LRRN2: variants seen among roughly 807,000 people sequenced by gnomAD.
LRRN2 encodes leucine-rich repeat neuronal protein 2.
LRRN2 carries 10 observed loss-of-function variants against 35.7 expected under a neutral mutation model. That is an observed-to-expected ratio of 0.28 (90% CI 0.17 to 0.47). The LOEUF (loss-of-function observed/expected upper bound fraction) is 0.47. LRRN2 is among the 20% of genes least tolerant of loss of function. LRRN2 has a pLI of 0.99. For synonymous variants in LRRN2, 391 were observed against 409.6 expected, an observed-to-expected ratio of 0.95 and a Z score of 0.55; for missense variants, 731 against 940.3, an observed-to-expected ratio of 0.78 and a Z score of 2.91.
intron 1 of LRRN2, among the ~76,000 whole-genome samples, chr1:204,683,170 A>G (rs778383554): frequency 6.6e-6 from 1 of 152,176 alleles, no homozygotes; most frequent in Non-Finnish European, 1.5e-5. Context: ...GGGCCAGGCA[A>G]ATGCAGCTGC....
intron 1 of LRRN2, among the ~76,000 whole-genome samples, chr1:204,674,619 T>C (rs1005891007): frequency 6.6e-6 from 1 of 152,194 alleles, no homozygotes; most frequent in Non-Finnish European, 1.5e-5. Flanking sequence ...CAGCTTGTTA[T>C]GGGTGATAAA....
At chr1:204,673,279 T>G (rs937877234) in intron 1 of LRRN2, among the ~76,000 whole-genome samples, 34 of 152,242 alleles carry the variant, frequency 2.2e-4, no homozygotes, top group Non-Finnish European at 3.1e-4. Flanking sequence ...AAATTATCCA[T>G]CACATTATTC....
chr1:204,654,666 C>T (rs1320272941), intron 1 of LRRN2, among the ~76,000 whole-genome samples: 1 of 152,222 alleles, frequency 6.6e-6, no homozygotes, highest in East Asian at 1.9e-4. Context: ...TCCATCCAAA[C>T]ATCCAAGTCA....
chr1:204,679,179 G>A (rs572279577), intron 1 of LRRN2, among the ~76,000 whole-genome samples: 80 of 152,280 alleles, frequency 5.3e-4, no homozygotes, highest in Admixed American at 8.5e-4. Flanking sequence ...AGCTGTCTGA[G>A]CCCCAGCAGA....
intron 1 of LRRN2, among the ~76,000 whole-genome samples, chr1:204,649,273 C>A (rs944822242): frequency 6.6e-6 from 1 of 152,198 alleles, no homozygotes; most frequent in Admixed American, 6.5e-5. Flanking sequence ...GAGGGTCAGG[C>A]GCTCTGGGCT....
intron 1 of LRRN2, among the ~76,000 whole-genome samples, chr1:204,655,873 G>A (rs913777121): frequency 1.3e-5 from 2 of 152,080 alleles, no homozygotes; most frequent in African/African-American, 2.4e-5. Context: ...AGAGCTCCAC[G>A]CTCCATATCT....
intron 1 of LRRN2, among the ~76,000 whole-genome samples, chr1:204,655,950 C>G (rs1029552067): frequency 1.3e-5 from 2 of 152,192 alleles, no homozygotes; most frequent in Admixed American, 6.5e-5. Context: ...CGCTCTGTCG[C>G]CCAGGCTGGA....
Position 204,619,431 on chromosome 1 carries a change from G to A in LRRN2, c.562C>T (p.Leu188=). The part of the protein sequence containing the change: ...RAIDSRWFEM[L]PNLEILMIGG... ...ATCATGAGTATCTCCAAGTTGGGCAGCATTTCAAACCAGCGGCTGTCAATG... is the reference window on the plus strand; with the variant it reads ...ATCATGAGTATCTCCAAGTTGGGCAACATTTCAAACCAGCGGCTGTCAATG... Residue 188 remains leucine, a synonymous_variant, in exon 2 of 2, where the codon CTG becomes TTG. Coordinates refer to ENST00000367177, the MANE Select transcript of LRRN2 (RefSeq NM_201630.2). 1 of 1,614,266 alleles carries A rather than the reference G, an allele frequency of 6.2e-7. No homozygotes were observed. The highest frequency in any genetic ancestry group is 1.7e-5 in the Admixed American group (1 of 60,038).
chr1:204,658,711 C>A (rs538641500), intron 1 of LRRN2, among the ~76,000 whole-genome samples: 88 of 152,330 alleles, frequency 5.8e-4, no homozygotes, highest in African/African-American at 2.1e-3. Flanking sequence ...TTCTCATTGA[C>A]TCCCCTCTTT....
intron 1 of LRRN2, among the ~76,000 whole-genome samples, chr1:204,655,095 C>T (rs189174156): frequency 5.3e-5 from 8 of 152,342 alleles, no homozygotes; most frequent in Admixed American, 3.9e-4. Flanking sequence ...CAAGCTCCCC[C>T]AGGCCTTGCC....
Position 204,618,389 on chromosome 1 carries a change from T to C in LRRN2, c.1604A>G (p.Glu535Gly). 6.2e-7 allele frequency: 1 copy of C among 1,611,436 alleles called. No individual in the cohort carries two copies. Among genetic ancestry groups the C allele is most frequent in the Non-Finnish European group, 8.5e-7 (1 of 1,178,230 alleles). ...TAGCAGGATGTGATAGGGGTGGGTC[T>C]CCTGCACCCGGAGCTCCAGCCCCTG... Reference protein sequence around the residue: ...EGQGLELRVQETHPYHILLSW... With the variant: ...EGQGLELRVQGTHPYHILLSW... Residue 535 changes from glutamate (E) to glycine (G), a missense_variant, in exon 2 of 2, where the codon GAG (glutamate) becomes GGG (glycine). Glu to Gly is a moderately conservative substitution (Grantham distance 98, BLOSUM62 -2). This residue lies in a region of LRRN2 where 229 missense variants were observed against 258.4 expected (regional missense o/e 0.89). Coordinates refer to ENST00000367177, the MANE Select transcript of LRRN2 (RefSeq NM_201630.2).
At chr1:204,633,346 C>T (rs1215073640) in intron 1 of LRRN2, 2 of 152,174 alleles carry the variant, frequency 1.3e-5, no homozygotes. Flanking sequence ...CTCACGGTAG[C>T]CCTCTGAAGT....
intron 1 of LRRN2, among the ~76,000 whole-genome samples, chr1:204,626,577 G>C (rs541275717): frequency 4.3e-4 from 66 of 152,088 alleles, no homozygotes; most frequent in African/African-American, 1.4e-3. Flanking sequence ...TCCCACAGCT[G>C]CCCCCGAGAC....
intron 1 of LRRN2, among the ~76,000 whole-genome samples, chr1:204,673,396 C>T (rs1424896386): frequency 6.6e-6 from 1 of 152,120 alleles, no homozygotes; most frequent in Non-Finnish European, 1.5e-5. Flanking sequence ...GTTTCATTTT[C>T]ACAACCCTGT....
At chr1:204,681,780 CAGATAA>C (rs1005748205) in intron 1 of LRRN2, among the ~76,000 whole-genome samples, 4 of 152,246 alleles carry the variant, frequency 2.6e-5, no homozygotes, top group Non-Finnish European at 5.9e-5. Flanking sequence ...TGGAAAGTAA[CAGATAA>C]AGGCATCTTT....
chr1:204,667,343 C>A (rs1041462792), intron 1 of LRRN2, among the ~76,000 whole-genome samples: 5 of 152,274 alleles, frequency 3.3e-5, no homozygotes, highest in African/African-American at 1.2e-4. Context: ...CTGTAAATTT[C>A]TTTGCTTGTC....
chr1:204,667,717 T>C (rs183275602), intron 1 of LRRN2, among the ~76,000 whole-genome samples: 2 of 152,196 alleles, frequency 1.3e-5, no homozygotes, highest in African/African-American at 2.4e-5. Context: ...GAGCTGAGTA[T>C]TGAAGTCTGG....
intron 1 of LRRN2, among the ~76,000 whole-genome samples, chr1:204,650,599 T>C (rs1277707171): frequency 1.3e-5 from 2 of 152,170 alleles, no homozygotes; most frequent in Non-Finnish European, 2.9e-5. Flanking sequence ...TTTGCCTACC[T>C]GATGCCACCT....
In LRRN2 at chr1:204,632,667, C is replaced by G. The variant is rs556537685; in HGVS notation, c.-226-12449G>C. On this transcript the variant is annotated intron_variant, in intron 1 of 1. Coordinates refer to ENST00000367177, the MANE Select transcript of LRRN2 (RefSeq NM_201630.2). ...AAAAAATTCGCCACGCGCAGTGGCC[C>G]ACACCTGTAATCCCAGCACTTTGGG... Among the ~76,000 whole-genome samples the G allele has an allele frequency of 7.4e-5, 11 of 148,694 alleles. No homozygotes were observed. In the South Asian group the frequency reaches 2.4e-3, roughly 32 times the overall value.
Sources: gnomAD v4.1 joint callset for allele counts (sites outside exome capture counted in the v4.1 genomes callset) on GRCh38, gnomAD v4.1.1 for gene constraint, gnomAD v4.1.1 regional missense constraint, MANE v1.5 for transcripts, NCBI Gene and HGNC (gene_info 2026-07-23, HGNC 2026-07-21) for gene names.